MTA3: variants seen among roughly 807,000 people sequenced by gnomAD.
MTA3 encodes the protein metastasis associated 1 family member 3.
A neutral mutation model predicts 83.5 loss-of-function variants in MTA3; 34 were observed. That is an observed-to-expected ratio of 0.41 (90% confidence interval 0.31 to 0.54). The LOEUF is 0.54. Ranked by LOEUF, MTA3 falls within the 20% of genes least tolerant of loss-of-function variation. MTA3 has a pLI of 0.33. For synonymous variants in MTA3, 303 were observed against 252.7 expected, an observed-to-expected ratio of 1.20 and a Z score of -1.89; for missense variants, 761 against 726.4, an observed-to-expected ratio of 1.05 and a Z score of -0.55.
At chr2:42,542,053 C>G (rs1464255371) in intron 2 of MTA3, among the ~76,000 whole-genome samples, 1 of 152,154 alleles carries the variant, frequency 6.6e-6, no homozygotes, top group African/African-American at 2.4e-5. Context: ...TGTCTCCTTT[C>G]TGGAACTACA....
intron 2 of MTA3, among the ~76,000 whole-genome samples, chr2:42,522,019 G>C (rs10190200): frequency 0.37 from 55,950 of 151,958 alleles, 10,706 homozygotes; most frequent in Middle Eastern, 0.47. Context: ...CTCCCAAAGT[G>C]CTGGGATTAT....
intron 2 of MTA3, among the ~76,000 whole-genome samples, chr2:42,572,308 C>T (rs911201402): frequency 6.6e-6 from 1 of 151,652 alleles, no homozygotes; most frequent in African/African-American, 2.4e-5. Flanking sequence ...GCTAAATTGT[C>T]TGTGGTAGCT....
chr2:42,629,644 G>C (rs1424138433), intron 4 of MTA3, among the ~76,000 whole-genome samples: 1 of 152,078 alleles, frequency 6.6e-6, no homozygotes, highest in Non-Finnish European at 1.5e-5. Flanking sequence ...GGAGTGAGCC[G>C]AAGTTTGGAG....
chr2:42,522,399 C>T (rs1312209446), intron 2 of MTA3, among the ~76,000 whole-genome samples: 2 of 152,072 alleles, frequency 1.3e-5, no homozygotes, highest in Non-Finnish European at 2.9e-5. Flanking sequence ...TAATTTCGTT[C>T]CTTGCACCCA....
rs202207801 is a variant in MTA3 at position 42,693,214 on chromosome 2, G to T, written c.892-2551G>T. On this transcript the variant is annotated intron_variant, in intron 9 of 16. Coordinates refer to ENST00000405094, the MANE Select transcript of MTA3 (RefSeq NM_001330442.2). ...GCTACCACCACTGGGGCTGTGCTGG[G>T]TCATGCCTGTCGTAACTGCTCACTT... Among the ~76,000 whole-genome samples, 11 of 152,200 alleles carry T rather than the reference G, an allele frequency of 7.2e-5. No homozygotes were observed. In the East Asian group the frequency reaches 2.1e-3, roughly 30 times the overall value.
At chr2:42,502,948 C>G (rs1159761703) in intron 2 of MTA3, among the ~76,000 whole-genome samples, 1 of 149,044 alleles carries the variant, frequency 6.7e-6, no homozygotes, top group Non-Finnish European at 1.5e-5. Flanking sequence ...GGAGACAGGG[C>G]AAGACTCTGT....
chr2:42,550,952 G>A lies in MTA3; in HGVS notation c.-140-19485G>A, dbSNP rs1225756567. 2.6e-5 allele frequency among the ~76,000 whole-genome samples: 4 copies of A among 151,986 alleles called. No individual in the cohort carries two copies. The East Asian group carries it at 7.8e-4, about 30-fold the overall frequency. On this transcript the variant is annotated intron_variant, in intron 2 of 17. Transcript: ENST00000405592. ...AGCTACCCCAACTACTTGAGAGGCT[G>A]AGACAGGAGAATAGCTTGAATCCAG...
chr2:42,590,742 TC>T (rs1323339018), intron 3 of MTA3, among the ~76,000 whole-genome samples: 2 of 150,340 alleles, frequency 1.3e-5, no homozygotes. Context: ...CACCTCAGCC[TC>T]CTGAGTAGCT....
intron 8 of MTA3, among the ~76,000 whole-genome samples, chr2:42,675,941 C>T (rs1301109681): frequency 6.6e-6 from 1 of 152,154 alleles, no homozygotes; most frequent in African/African-American, 2.4e-5. Flanking sequence ...TCTCTGGTTT[C>T]CTTTATGAAG....
chr2:42,582,843 A>G (rs1679826809), intron 3 of MTA3, among the ~76,000 whole-genome samples: 1 of 152,202 alleles, frequency 6.6e-6, no homozygotes, highest in Non-Finnish European at 1.5e-5. Context: ...CTTAGCATCA[A>G]GCAAATGATG....
chr2:42,696,985 C>T (rs1693442810), intron 10 of MTA3, among the ~76,000 whole-genome samples: 1 of 152,188 alleles, frequency 6.6e-6, no homozygotes, highest in African/African-American at 2.4e-5. Context: ...AGATAATATT[C>T]TTTCCAAAAA....
At chr2:42,658,988 C>T (rs570197246) in intron 7 of MTA3, among the ~76,000 whole-genome samples, 1 of 150,282 alleles carries the variant, frequency 6.7e-6, no homozygotes, top group South Asian at 2.1e-4. Context: ...GTTACAGCTA[C>T]TTGGGAAGCT....
At chr2:42,687,026 C>CA (rs1327421203) in intron 9 of MTA3, among the ~76,000 whole-genome samples, 3 of 151,834 alleles carry the variant, frequency 2.0e-5, no homozygotes, top group African/African-American at 7.3e-5. Context: ...ACTCAGGAGG[C>CA]TGAGGCATGA....
chr2:42,692,014 G>A (rs532405665), intron 9 of MTA3, among the ~76,000 whole-genome samples: 110 of 152,114 alleles, frequency 7.2e-4, no homozygotes, highest in Admixed American at 1.3e-3. Context: ...TTTTCTCCAG[G>A]TTTGGGAAAT....
rs1041349833 is a variant in MTA3, at chr2:42,722,740, G to T, written c.1613-149G>T. ...CAAAGCCATGGCAACAACACTTGAA[G>T]CTGACTCATTATGCAAGTCCTTGGC... On this transcript the variant is annotated intron_variant, in intron 15 of 16. Transcript: ENST00000405094. The T allele has an allele frequency of 6.8e-6, 6 of 885,798 alleles. No individual in the cohort carries two copies. In the African/African-American group the frequency reaches 1.0e-4, roughly 15 times the overall value. The allele number at this position is 885,798 out of a possible 1,614,324, so 54.9% of individuals were successfully genotyped here. A position where few individuals can be genotyped will look rare whatever the true frequency, so the allele number is the denominator to read the frequency against.
chr2:42,618,642 C>G (rs536793892), intron 4 of MTA3, among the ~76,000 whole-genome samples: 6 of 152,100 alleles, frequency 3.9e-5, no homozygotes, highest in African/African-American at 7.2e-5. Flanking sequence ...GAGTCTCGCT[C>G]TGTTGCCCAG....
At chr2:42,594,265 T>A (rs145411041) in intron 3 of MTA3, among the ~76,000 whole-genome samples, 36 of 27,156 alleles carry the variant, frequency 1.3e-3, no homozygotes, top group Non-Finnish European at 1.9e-3. Flanking sequence ...TTTTTTTTTT[T>A]AAAAGACAGT....
At chr2:42,566,873 A>C (rs1379331388), upstream of MTA3, among the ~76,000 whole-genome samples, 1 of 152,216 alleles carries the variant, frequency 6.6e-6, no homozygotes, top group Non-Finnish European at 1.5e-5. Context: ...GGCCAGAGGA[A>C]AGGGCTGATT....
intron 14 of MTA3, chr2:42,712,632 T>C (rs966556841): frequency 4.6e-5 from 7 of 152,216 alleles, no homozygotes; most frequent in Non-Finnish European, 1.0e-4. Context: ...ACAGTACTTA[T>C]TAAAAATGGA....
Sources: gnomAD v4.1 joint callset for allele counts (sites outside exome capture counted in the v4.1 genomes callset) on GRCh38, gnomAD v4.1.1 for gene constraint, MANE v1.5 for transcripts, NCBI Gene and HGNC (gene_info 2026-07-23, HGNC 2026-07-21) for gene names.